XRCC4: variants seen among roughly 807,000 people sequenced by gnomAD.
The protein encoded by XRCC4 is DNA repair protein XRCC4.
A neutral mutation model predicts 39.1 loss-of-function variants in XRCC4; 28 were observed. The ratio of observed to expected loss-of-function variants is 0.72; its 90% CI spans 0.53 to 0.98. The LOEUF (loss-of-function observed/expected upper bound fraction) is 0.98. Ranked by LOEUF, XRCC4 falls within the 50% of genes least tolerant of loss-of-function variation. The pLI, the probability that XRCC4 is intolerant of heterozygous loss-of-function variation, is 0.00. For missense variants in XRCC4, 350 were observed against 376.4 expected (o/e 0.93, Z 0.58); for synonymous variants, 123 against 126.4 (o/e 0.97, Z 0.18).
In XRCC4 at chr5:83,281,914, G is replaced by A. The variant is rs3734090; in HGVS notation, c.893+23237G>A. Among the ~76,000 whole-genome samples the A allele has an allele frequency of 2.9e-3, 438 of 152,290 alleles. 11 individuals carry two copies. In the East Asian group the frequency reaches 0.072, roughly 25 times the overall value. On this transcript the variant is annotated intron_variant, in intron 7 of 7. Transcript: ENST00000396027. ...TTTTGATTAGCTACCTTCTATAGAA[G>A]CTGACTGCCTGGACAGATCATTGTC...
intron 3 of XRCC4, among the ~76,000 whole-genome samples, chr5:83,192,242 TAC>T (rs3069583): frequency 0.33 from 48,683 of 146,582 alleles, 8,906 homozygotes; most frequent in Non-Finnish European, 0.42. Context: ...TATGTATATG[TAC>T]ATATTATATA....
chr5:83,111,133 A>G lies in XRCC4; in HGVS notation c.245A>G (p.Asp82Gly). Residue 82 changes from aspartate to glycine, a missense_variant, in exon 3 of 8, where the codon GAT becomes GGT. Physicochemically the swap from Asp to Gly is moderately conservative, Grantham distance 94 (BLOSUM62 -1). Transcript: ENST00000396027. ...KALLSGAGPA[D>G]VYTFNFSKES... Reference sequence around the variant, plus strand: ...TTGTTGTCAGGAGCAGGACCAGCTGATGTATACACGTTTAATTTTTCTAAA... The same window carrying G: ...TTGTTGTCAGGAGCAGGACCAGCTGGTGTATACACGTTTAATTTTTCTAAA... 6.2e-7 allele frequency: 1 copy of G among 1,609,198 alleles called. No homozygotes were observed. The highest frequency in any genetic ancestry group is 8.5e-7 in the Non-Finnish European group (1 of 1,178,108).
At chr5:83,215,347 C>CA (rs77558488) in intron 6 of XRCC4, among the ~76,000 whole-genome samples, 210 of 151,708 alleles carry the variant, frequency 1.4e-3, no homozygotes, top group Admixed American at 3.3e-3. Context: ...TCAAAAAAAA[C>CA]AAAAAAATTA....
chr5:83,212,725 C>T (rs1005364990), intron 6 of XRCC4, among the ~76,000 whole-genome samples: 14 of 151,282 alleles, frequency 9.3e-5, no homozygotes, highest in South Asian at 2.1e-4. Context: ...GTCAGGAGTT[C>T]GAGACTGACC....
At chr5:83,333,857 C>T (rs918691907) in intron 7 of XRCC4, among the ~76,000 whole-genome samples, 12 of 151,736 alleles carry the variant, frequency 7.9e-5, no homozygotes, top group African/African-American at 1.2e-4. Context: ...GCAACCTCCA[C>T]CTCCCAGGTT....
intron 7 of XRCC4, among the ~76,000 whole-genome samples, chr5:83,285,225 T>C (rs1160822215): frequency 6.6e-6 from 1 of 152,196 alleles, no homozygotes; most frequent in African/African-American, 2.4e-5. Context: ...TTTCCATTGT[T>C]ACCTAAATAA....
intron 3 of XRCC4, among the ~76,000 whole-genome samples, chr5:83,147,223 A>C (rs1748495138): frequency 6.6e-6 from 1 of 152,190 alleles, no homozygotes; most frequent in African/African-American, 2.4e-5. Flanking sequence ...CAGGAGTTCA[A>C]GTCCAGCCTG....
intron 6 of XRCC4, among the ~76,000 whole-genome samples, chr5:83,229,544 A>T (rs1018222878): frequency 6.7e-6 from 1 of 149,826 alleles, no homozygotes; most frequent in African/African-American, 2.4e-5. Context: ...TTTTGGGGGG[A>T]AAAAAAGGTT....
chr5:83,372,518 C>A, the XRCC4 span, among the ~76,000 whole-genome samples: 1 of 152,056 alleles, frequency 6.6e-6, no homozygotes, highest in Non-Finnish European at 1.5e-5. Context: ...CTGGGGGTAG[C>A]AGAATTTATT....
chr5:83,247,090 A>G (rs1214351785), intron 6 of XRCC4, among the ~76,000 whole-genome samples: 1 of 152,242 alleles, frequency 6.6e-6, no homozygotes, highest in Non-Finnish European at 1.5e-5. Context: ...ATTGCCTGCA[A>G]TTCTGCTTAA....
chr5:83,233,457 T>A lies in XRCC4; in HGVS notation c.746-25073T>A, dbSNP rs370889723. 1.2e-4 allele frequency among the ~76,000 whole-genome samples: 19 copies of A among 152,226 alleles called. 1 individual carries two copies. The South Asian group carries it at 3.9e-3, about 32-fold the overall frequency. ...AACTATATCACTTTTGAAGACTTAGTTTAATATATGTTGATCGTTTCCTTA... is the reference window on the plus strand; with the variant it reads ...AACTATATCACTTTTGAAGACTTAGATTAATATATGTTGATCGTTTCCTTA... On this transcript the variant is annotated intron_variant, in intron 6 of 7. Transcript: ENST00000396027.
intron 6 of XRCC4, among the ~76,000 whole-genome samples, chr5:83,226,732 C>T (rs910185226): frequency 6.6e-6 from 1 of 152,108 alleles, no homozygotes; most frequent in African/African-American, 2.4e-5. Flanking sequence ...TAGATGTTTT[C>T]TCAGTTGCTC....
intron 4 of XRCC4, among the ~76,000 whole-genome samples, chr5:83,202,941 T>C (rs1321701430): frequency 3.3e-5 from 5 of 152,172 alleles, no homozygotes; most frequent in African/African-American, 7.2e-5. Context: ...TTTGAAGATA[T>C]GTAGTGTTTT....
chr5:83,109,999 T>C (rs1746370933), intron 2 of XRCC4, among the ~76,000 whole-genome samples: 1 of 151,972 alleles, frequency 6.6e-6, no homozygotes, highest in African/African-American at 2.4e-5. Context: ...GTGTTATGTG[T>C]GGATGGGAGG....
At chr5:83,131,694 T>C (rs1398621183) in intron 3 of XRCC4, among the ~76,000 whole-genome samples, 2 of 152,298 alleles carry the variant, frequency 1.3e-5, no homozygotes, top group East Asian at 3.9e-4. Context: ...GAGACTAGGA[T>C]TGCAACCCCT....
chr5:83,108,875 C>T (rs376198548), intron 2 of XRCC4, among the ~76,000 whole-genome samples: 1 of 145,122 alleles, frequency 6.9e-6, no homozygotes, highest in African/African-American at 2.5e-5. Context: ...TTTAGAAGAG[C>T]TACTAGGGCA....
intron 7 of XRCC4, among the ~76,000 whole-genome samples, chr5:83,267,190 T>C (rs1753986059): frequency 6.6e-6 from 1 of 152,182 alleles, no homozygotes; most frequent in Non-Finnish European, 1.5e-5. Flanking sequence ...TCTTTGAGTC[T>C]GGCTTTGGAG....
At chr5:83,135,700 G>A (rs1008132263) in intron 3 of XRCC4, among the ~76,000 whole-genome samples, 5 of 151,922 alleles carry the variant, frequency 3.3e-5, no homozygotes, top group African/African-American at 1.2e-4. Context: ...TTCTTCTGCT[G>A]TGCTTTGTCT....
At chr5:83,122,896 A>G (rs28745310) in intron 3 of XRCC4, among the ~76,000 whole-genome samples, 9,660 of 152,170 alleles carry the variant, frequency 0.063, 1,017 homozygotes, top group East Asian at 0.48. Context: ...TTGTTAGACA[A>G]CTTTATGTGA....
Sources: gnomAD v4.1 joint callset for allele counts (sites outside exome capture counted in the v4.1 genomes callset) on GRCh38, gnomAD v4.1.1 for gene constraint, MANE v1.5 for transcripts, NCBI Gene and HGNC (gene_info 2026-07-23, HGNC 2026-07-21) for gene names.